ARPC1B: variants seen among roughly 807,000 people sequenced by gnomAD.
ARPC1B encodes actin related protein 2/3 complex subunit 1B.
A neutral mutation model predicts 46.0 loss-of-function variants in ARPC1B; 29 were observed. That is an observed-to-expected ratio of 0.63 (90% confidence interval 0.47 to 0.86). The LOEUF (loss-of-function observed/expected upper bound fraction) is 0.86. Among genes scored for constraint, ARPC1B ranks in the 40% least tolerant of loss-of-function variants. ARPC1B has a pLI of 0.00. For missense variants in ARPC1B, 469 were observed against 529.4 expected (o/e 0.89, Z 1.12); for synonymous variants, 201 against 213.9 (o/e 0.94, Z 0.53).
chr7:99,382,611 G>A (rs1000996506), intron 1 of ARPC1B, among the ~76,000 whole-genome samples: 2 of 151,810 alleles, frequency 1.3e-5, no homozygotes, highest in African/African-American at 4.8e-5. Flanking sequence ...TAAGAATACA[G>A]ATGTGCACCA....
intron 1 of ARPC1B, among the ~76,000 whole-genome samples, chr7:99,379,812 T>A (rs1201405075): frequency 6.6e-6 from 1 of 151,404 alleles, no homozygotes; most frequent in African/African-American, 2.4e-5. Flanking sequence ...CTAATTTTTT[T>A]TTTTTTTTTC....
chr7:99,380,429 C>A (rs146350116), intron 1 of ARPC1B, among the ~76,000 whole-genome samples: 18 of 152,204 alleles, frequency 1.2e-4, no homozygotes, highest in African/African-American at 3.4e-4. Flanking sequence ...TTCTTTGCCC[C>A]ATTTAAGGGG....
At position 99,392,892 on chromosome 7, in the gene ARPC1B, G is replaced by T; in HGVS notation, c.989+16G>T. 3 of 1,524,688 alleles carry T rather than the reference G, an allele frequency of 2.0e-6. No individual in the cohort carries two copies. The highest frequency in any genetic ancestry group is 1.7e-4 in the Middle Eastern group (1 of 5,756). 94.4% of individuals were successfully genotyped at this position (1,524,688 alleles called of 1,614,324 possible). On this transcript the variant is annotated intron_variant, in intron 8 of 9. Transcript: ENST00000646101. ...ACAGCGTCAGGTGAGAGCGGGAGCC[G>T]GGCCGGCGGGTGGGCGGGGCCTCGG...
At chr7:99,390,477 A>G (rs1336992337) in intron 5 of ARPC1B, among the ~76,000 whole-genome samples, 1 of 151,996 alleles carries the variant, frequency 6.6e-6, no homozygotes, top group Non-Finnish European at 1.5e-5. Context: ...CAAGCGATCA[A>G]GCGATTCTCC....
intron 5 of ARPC1B, among the ~76,000 whole-genome samples, 176 bp from the exon 6 acceptor site, chr7:99,390,717 T>G (rs1216876026): frequency 2.0e-5 from 3 of 150,492 alleles, no homozygotes; most frequent in Admixed American, 6.7e-5. Context: ...TTTTTTTTTT[T>G]GAGACAGTCT....
chr7:99,393,059 G>C (rs1039945483), intron 8 of ARPC1B, among the ~76,000 whole-genome samples, 183 bp downstream of exon 8: 1 of 152,128 alleles, frequency 6.6e-6, no homozygotes, highest in Non-Finnish European at 1.5e-5. Context: ...TCTGATGAGC[G>C]GCGGGCCCGG....
rs541364778 is a variant in ARPC1B at position 99,392,666 on chromosome 7, C to T, written c.784-5C>T. ...GCGCTCCAATGGCCCCCGCCCTCCG[C>T]GCAGGGCCACGACTGCTTCCCGGTG... is the stretch of plus-strand genomic sequence containing the variant. On this transcript the variant is annotated splice_polypyrimidine_tract_variant and splice_region_variant and intron_variant, in intron 7 of 9. Transcript: ENST00000646101. 5 of 1,511,318 alleles carry T rather than the reference C, an allele frequency of 3.3e-6. No individual in the cohort carries two copies. The highest frequency in any genetic ancestry group is 2.7e-6 in the Non-Finnish European group (3 of 1,123,238). The allele number at this position is 1,511,318 out of a possible 1,614,324, so 93.6% of individuals were successfully genotyped here.
At chr7:99,390,429 C>T (rs1443783119) in intron 5 of ARPC1B, among the ~76,000 whole-genome samples, 6 of 151,044 alleles carry the variant, frequency 4.0e-5, no homozygotes, top group East Asian at 1.9e-4. Flanking sequence ...AGTGCAGTGG[C>T]GTGATATTGA....
intron 9 of ARPC1B, 95 bp from the exon 10 acceptor site, chr7:99,394,356 T>C: frequency 8.2e-7 from 1 of 1,219,614 alleles, no homozygotes; most frequent in Non-Finnish European, 1.2e-6. Flanking sequence ...CTCTGCCCTC[T>C]GCTGTGCTGG....
chr7:99,392,996 G>A, intron 8 of ARPC1B, 120 bp downstream of exon 8: 1 of 1,105,488 alleles, frequency 9.0e-7, no homozygotes, highest in South Asian at 1.7e-5. Flanking sequence ...CTTGAGGACT[G>A]GGGACCCGGA....
At chr7:99,391,676 C>T (rs1193167533) in intron 7 of ARPC1B, among the ~76,000 whole-genome samples, 1 of 150,482 alleles carries the variant, frequency 6.6e-6, no homozygotes, top group Non-Finnish European at 1.5e-5. Flanking sequence ...ATAACTTAAG[C>T]ATGGGAGGTC....
intron 8 of ARPC1B, among the ~76,000 whole-genome samples, chr7:99,393,517 C>CA (rs754670582): frequency 1.3e-5 from 2 of 152,024 alleles, no homozygotes; most frequent in Non-Finnish European, 2.9e-5. Context: ...GGTCTCTCCG[C>CA]AGCCTTCTAT....
intron 1 of ARPC1B, among the ~76,000 whole-genome samples, chr7:99,381,126 G>A (rs187470499): frequency 2.4e-4 from 36 of 152,322 alleles, no homozygotes; most frequent in Admixed American, 1.0e-3. Flanking sequence ...GGCTGAGGGC[G>A]CTGAGATGGT....
At position 99,375,392 on chromosome 7, in the gene ARPC1B, C is replaced by A. The variant is rs938702172; in HGVS notation, c.-14+611C>A. 1.6e-4 allele frequency among the ~76,000 whole-genome samples: 24 copies of A among 152,306 alleles called. 3 individuals are homozygous for A. In the South Asian group the frequency reaches 4.1e-3, roughly 26 times the overall value. ...CCCCCGGGCCAGGTCCGAGGGGTCC[C>A]GTACGGGGCGGGCCTGGCTGGCGGG... On this transcript the variant is annotated intron_variant, in intron 1 of 9. Transcript: ENST00000646101.
chr7:99,383,195 C>T (rs758536187), intron 1 of ARPC1B, among the ~76,000 whole-genome samples: 1 of 151,916 alleles, frequency 6.6e-6, no homozygotes, highest in Non-Finnish European at 1.5e-5. Context: ...GGTAGGGTGG[C>T]GTGAGCCTGT....
At chr7:99,385,145 G>C (rs60206309) in intron 1 of ARPC1B, among the ~76,000 whole-genome samples, 2 of 151,592 alleles carry the variant, frequency 1.3e-5, no homozygotes, top group South Asian at 4.2e-4. Context: ...TAGTAAAGAC[G>C]GAGTTTCACC....
chr7:99,386,648 G>C (rs1794398732), intron 2 of ARPC1B, 37 bp from the exon 3 acceptor site: 1 of 1,505,844 alleles, frequency 6.6e-7, no homozygotes, highest in Admixed American at 1.7e-5. Context: ...GGCAGTCATG[G>C]AGAGGGCCCC....
rs371760619 is a variant in ARPC1B at position 99,391,014 on chromosome 7, G to A, written c.622G>A (p.Val208Ile). Residue 208 changes from valine (V) to isoleucine (I), a missense_variant, in exon 6 of 10, where the codon GTC (valine) becomes ATC (isoleucine). Coordinates refer to ENST00000646101, the MANE Select transcript of ARPC1B (RefSeq NM_005720.4). ...SSSSCGWVHG[V>I]CFSASGSRVA... ...CAGTAGCTGCGGCTGGGTACATGGC[G>A]TCTGTTTCTCAGCCAGCGGGAGCCG... 2.0e-5 allele frequency: 32 copies of A among 1,613,974 alleles called. No homozygotes were observed. The highest frequency in any genetic ancestry group is 1.8e-4 in the East Asian group (8 of 44,884).
chr7:99,390,535 C>T (rs1214475713), intron 5 of ARPC1B, among the ~76,000 whole-genome samples: 1 of 151,856 alleles, frequency 6.6e-6, no homozygotes, highest in East Asian at 1.9e-4. Flanking sequence ...TGCCACCATG[C>T]CCGGCTAATT....
Sources: allele counts gnomAD v4.1 joint callset (sites outside exome capture counted in the v4.1 genomes callset), GRCh38; gene constraint gnomAD v4.1.1; transcripts MANE v1.5; gene names NCBI Gene and HGNC (gene_info 2026-07-23, HGNC 2026-07-21).